The following DIAPH3 variants were observed in gnomAD, a reference collection of about 807,000 sequenced individuals.
The protein encoded by DIAPH3 is diaphanous related formin 3, also known as protein diaphanous homolog 3.
Under a neutral mutation model 144.3 loss-of-function variants are expected in DIAPH3, and 117 were observed. The observed-to-expected ratio is 0.81, with a 90% CI of 0.70 to 0.95. The LOEUF (loss-of-function observed/expected upper bound fraction) is 0.95, where lower values mean the gene tolerates loss of function less well. DIAPH3 is among the 40% of genes least tolerant of loss of function. The probability of loss-of-function intolerance (pLI) is 0.00; values close to 1 mark genes in which losing one functional copy is unlikely to be tolerated. For missense variants in DIAPH3, 1,421 were observed against 1,412.7 expected (o/e 1.01, Z -0.09); for synonymous variants, 519 against 488.9 (o/e 1.06, Z -0.81).
chr13:59,865,502 T>C (rs1325001866), intron 21 of DIAPH3, among the ~76,000 whole-genome samples: 1 of 152,072 alleles, frequency 6.6e-6, no homozygotes, highest in Non-Finnish European at 1.5e-5. Flanking sequence ...CAGGATTTCT[T>C]TTGTATTACT....
chr13:60,007,612 A>C (rs1327438933), intron 9 of DIAPH3, among the ~76,000 whole-genome samples: 1 of 152,190 alleles, frequency 6.6e-6, no homozygotes, highest in Non-Finnish European at 1.5e-5. Flanking sequence ...TCCAGGTCAC[A>C]CCATGCCAAT....
At chr13:60,006,068 A>G (rs965763361) in intron 9 of DIAPH3, among the ~76,000 whole-genome samples, 5 of 152,186 alleles carry the variant, frequency 3.3e-5, no homozygotes, top group Non-Finnish European at 7.3e-5. Flanking sequence ...CTACCTATAA[A>G]AGAAATTACT....
chr13:59,736,152 TG>T (rs1319016917), intron 27 of DIAPH3, among the ~76,000 whole-genome samples: 1 of 152,240 alleles, frequency 6.6e-6, no homozygotes, highest in Non-Finnish European at 1.5e-5. Context: ...TAGTATTTCA[TG>T]GTGTACATGT....
At chr13:59,979,204 C>A (rs968541205) in intron 14 of DIAPH3, among the ~76,000 whole-genome samples, 1 of 151,550 alleles carries the variant, frequency 6.6e-6, no homozygotes, top group Non-Finnish European at 1.5e-5. Context: ...TTAAAACCTA[C>A]AATTTGTTTA....
At chr13:59,851,716 G>A (rs1427921141) in intron 22 of DIAPH3, among the ~76,000 whole-genome samples, 2 of 146,384 alleles carry the variant, frequency 1.4e-5, no homozygotes, top group South Asian at 2.2e-4. Flanking sequence ...TCCGCCTCCC[G>A]GGTCCAAGTG....
intron 9 of DIAPH3, among the ~76,000 whole-genome samples, chr13:59,998,393 G>A (rs1040855614): frequency 1.3e-5 from 2 of 152,046 alleles, no homozygotes; most frequent in Non-Finnish European, 2.9e-5. Context: ...AGCTTCTTAA[G>A]GGCAGAGGTG....
chr13:60,109,302 G>A (rs1487587844), intron 3 of DIAPH3, among the ~76,000 whole-genome samples: 5 of 152,160 alleles, frequency 3.3e-5, no homozygotes, highest in African/African-American at 1.2e-4. Context: ...TATAATAAAT[G>A]TGTGTTGCTT....
intron 22 of DIAPH3, among the ~76,000 whole-genome samples, chr13:59,851,373 A>G (rs1359374996): frequency 6.6e-6 from 1 of 151,816 alleles, no homozygotes; most frequent in Admixed American, 6.6e-5. Context: ...CCTCTCTACG[A>G]CTCTTTTATG....
At chr13:59,802,265 C>T (rs2039941463) in intron 25 of DIAPH3, among the ~76,000 whole-genome samples, 1 of 152,144 alleles carries the variant, frequency 6.6e-6, no homozygotes, top group South Asian at 2.1e-4. Flanking sequence ...AAACAATCAG[C>T]AGCCCAGATG....
At chr13:59,789,151 C>G (rs2039199068) in intron 25 of DIAPH3, among the ~76,000 whole-genome samples, 1 of 152,084 alleles carries the variant, frequency 6.6e-6, no homozygotes, top group East Asian at 1.9e-4. Flanking sequence ...GGGAATGTAT[C>G]TATTTAAATA....
chr13:59,828,759 C>T (rs1291781630), intron 24 of DIAPH3, among the ~76,000 whole-genome samples: 1 of 151,244 alleles, frequency 6.6e-6, no homozygotes, highest in Non-Finnish European at 1.5e-5. Context: ...ATCATGGTAA[C>T]AAAAATAAAG....
At chr13:59,993,372 T>G in intron 9 of DIAPH3, among the ~76,000 whole-genome samples, 1 of 151,786 alleles carries the variant, frequency 6.6e-6, no homozygotes, top group Non-Finnish European at 1.5e-5. Context: ...TCTTTGTTGT[T>G]GTTGATAATA....
intron 27 of DIAPH3, among the ~76,000 whole-genome samples, chr13:59,763,079 A>C (rs1309026583): frequency 6.6e-6 from 1 of 152,130 alleles, no homozygotes; most frequent in Admixed American, 6.5e-5. Flanking sequence ...AAACAGCAAA[A>C]AATAGACAAA....
chr13:59,762,052 C>CTTTTTTTTTTTTTTTTTT (rs35387511), intron 27 of DIAPH3, among the ~76,000 whole-genome samples: 17 of 59,520 alleles, frequency 2.9e-4, no homozygotes, highest in South Asian at 1.9e-3. Context: ...GCGTCAGCAT[C>CTTTTTTTTTTTTTTTTTT]TTTTTTTTTT....
At chr13:60,001,159 A>G (rs1217240854) in intron 9 of DIAPH3, among the ~76,000 whole-genome samples, 2 of 152,214 alleles carry the variant, frequency 1.3e-5, no homozygotes, top group Admixed American at 6.5e-5. Context: ...CTTCATGTCT[A>G]GTATAATAAA....
chr13:60,111,860 CA>C, intron 3 of DIAPH3, 149 bp downstream of exon 3: 1 of 774,642 alleles, frequency 1.3e-6, no homozygotes, highest in Non-Finnish European at 2.0e-6. Flanking sequence ...TTTTGTAATC[CA>C]AAAACTCTTT....
intron 9 of DIAPH3, among the ~76,000 whole-genome samples, chr13:59,998,155 G>A (rs2052316791): frequency 6.6e-6 from 1 of 152,032 alleles, no homozygotes; most frequent in South Asian, 2.1e-4. Context: ...ATGCATTGAA[G>A]TAACTGCATA....
At chr13:59,861,564 A>C in intron 21 of DIAPH3, 28 bp from the exon 22 acceptor site, 3 of 1,602,504 alleles carry the variant, frequency 1.9e-6, no homozygotes, top group Non-Finnish European at 2.6e-6. Context: ...GAGAAAAAAC[A>C]CAGAGTCATA....
chr13:59,897,672 C>CA (rs996555326), intron 20 of DIAPH3, among the ~76,000 whole-genome samples: 1 of 150,568 alleles, frequency 6.6e-6, no homozygotes, highest in Non-Finnish European at 1.5e-5. Context: ...CGTTTGAACC[C>CA]AGGGGGCGGA....
Sources: allele counts gnomAD v4.1 joint callset (sites outside exome capture counted in the v4.1 genomes callset), GRCh38; gene constraint gnomAD v4.1.1; transcripts MANE v1.5; gene names NCBI Gene and HGNC (gene_info 2026-07-23, HGNC 2026-07-21).